Variants in FAM107B observed in about 807,000 individuals in gnomAD.
The protein encoded by FAM107B is protein FAM107B.
FAM107B carries 21 observed loss-of-function variants against 31.5 expected under a neutral mutation model. The observed-to-expected ratio is 0.67, with a 90% CI of 0.47 to 0.96. The LOEUF is 0.96. Ranked by LOEUF, FAM107B falls within the 40% of genes least tolerant of loss-of-function variation. The pLI is 0.00. For synonymous variants in FAM107B, 157 were observed against 141.5 expected (o/e 1.11, Z -0.78); for missense variants, 452 against 377.1 (o/e 1.20, Z -1.64).
At chr10:14,741,717 T>C (rs1233990043) in intron 1 of FAM107B, among the ~76,000 whole-genome samples, 4 of 127,904 alleles carry the variant, frequency 3.1e-5, no homozygotes, top group Non-Finnish European at 6.7e-5. Context: ...ATAACTCCCT[T>C]TTTTTTTTTT....
intron 2 of FAM107B, among the ~76,000 whole-genome samples, chr10:14,632,817 G>T (rs567142378): frequency 6.6e-6 from 1 of 152,044 alleles, no homozygotes; most frequent in Non-Finnish European, 1.5e-5. Context: ...ACAGAGACAG[G>T]GGGTACAGGG....
At chr10:14,678,937 A>G (rs1177205842) in intron 1 of FAM107B, among the ~76,000 whole-genome samples, 4 of 152,212 alleles carry the variant, frequency 2.6e-5, no homozygotes, top group African/African-American at 7.2e-5. Flanking sequence ...AACATGGCAG[A>G]TACAACTATT....
intron 1 of FAM107B, among the ~76,000 whole-genome samples, chr10:14,745,392 TAGGATGTC>T (rs1417953805): frequency 1.3e-5 from 2 of 152,196 alleles, no homozygotes; most frequent in Admixed American, 1.3e-4. Context: ...GCTGTGATGT[TAGGATGTC>T]AGTTTGAGAT....
chr10:14,761,034 A>C lies in FAM107B; in HGVS notation c.411+13219T>G, dbSNP rs11259318. Among the ~76,000 whole-genome samples the C allele has an allele frequency of 2.3e-3, 334 of 146,710 alleles. 2 individuals are homozygous for C. The highest frequency in any genetic ancestry group is 6.5e-3 in the African/African-American group (266 of 40,660). On this transcript the variant is annotated intron_variant, in intron 1 of 4. Transcript: ENST00000181796. ...TTCAAAAAAAAAAAAAAAAAAAAAA[A>C]AAGAAAGACATATCGTTAAGCTAGA...
intron 2 of FAM107B, among the ~76,000 whole-genome samples, chr10:14,634,682 G>A (rs1481515978): frequency 6.6e-6 from 1 of 152,186 alleles, no homozygotes; most frequent in Non-Finnish European, 1.5e-5. Flanking sequence ...ACATTTGGGA[G>A]GAGGATGGCG....
intron 1 of FAM107B, among the ~76,000 whole-genome samples, chr10:14,668,030 T>G (rs371539740): frequency 1.2e-4 from 18 of 148,868 alleles, no homozygotes; most frequent in African/African-American, 4.6e-4. Flanking sequence ...GGTGACGGGG[T>G]TTTTTTTGTT....
At chr10:14,681,552 C>G (rs1005890384) in intron 1 of FAM107B, among the ~76,000 whole-genome samples, 1 of 152,100 alleles carries the variant, frequency 6.6e-6, no homozygotes, top group African/African-American at 2.4e-5. Flanking sequence ...CATCTTGGGT[C>G]GCATACTTGC....
chr10:14,571,836 A>G lies in FAM107B; in HGVS notation c.470-41321T>C, dbSNP rs560224600. 5.2e-5 allele frequency: 51 copies of G among 985,502 alleles called. No individual in the cohort carries two copies. The South Asian group carries it at 2.2e-3, about 42-fold the overall frequency. The allele number at this position is 985,502 out of a possible 1,614,324, so 61.0% of individuals were successfully genotyped here. On this transcript the variant is annotated intron_variant, in intron 2 of 4. Transcript: ENST00000181796. ...TGGTGAAAAATCATCCTTTAGCAAGAGAAGAGTTAGCCCAGGAAGTCATCC... is the reference window on the plus strand; with the variant it reads ...TGGTGAAAAATCATCCTTTAGCAAGGGAAGAGTTAGCCCAGGAAGTCATCC...
In FAM107B at chr10:14,604,199, C is replaced by T. The variant is rs1015715089; in HGVS notation, c.469+63435G>A. 9.0e-5 allele frequency: 88 copies of T among 979,660 alleles called. No individual in the cohort carries two copies. The African/African-American group carries it at 1.5e-3, about 17-fold the overall frequency. 60.7% of individuals were successfully genotyped at this position (979,660 alleles called of 1,614,324 possible). ...GGCCGCCGCCCGCCTCCCCGCGCCC[C>T]TCGTCTTTGTGTGGAAAGTAAGTGC... On this transcript the variant is annotated intron_variant, in intron 2 of 4. Coordinates refer to ENST00000181796, the MANE Select transcript of FAM107B (RefSeq NM_031453.4).
At chr10:14,723,447 C>A in intron 1 of FAM107B, 1 of 559,202 alleles carries the variant, frequency 1.8e-6, no homozygotes, top group Non-Finnish European at 3.5e-6. Flanking sequence ...GATGTCTGTA[C>A]AAGTAGAGAT....
At chr10:14,680,371 C>T (rs778013573) in intron 1 of FAM107B, among the ~76,000 whole-genome samples, 1 of 151,880 alleles carries the variant, frequency 6.6e-6, no homozygotes, top group Non-Finnish European at 1.5e-5. Flanking sequence ...GTCAGGAGTT[C>T]GAGACCAGCC....
chr10:14,665,716 G>C (rs941006364), intron 2 of FAM107B, among the ~76,000 whole-genome samples: 1 of 152,158 alleles, frequency 6.6e-6, no homozygotes, highest in African/African-American at 2.4e-5. Context: ...ATGAAAGTAG[G>C]CTTTCAAACT....
chr10:14,697,508 G>A (rs541699425), intron 1 of FAM107B, among the ~76,000 whole-genome samples: 2 of 152,350 alleles, frequency 1.3e-5, no homozygotes, highest in Admixed American at 6.5e-5. Context: ...GTAAACTACT[G>A]TGTTCCAGAA....
chr10:14,691,032 T>A (rs949998414), intron 1 of FAM107B, among the ~76,000 whole-genome samples: 1 of 152,078 alleles, frequency 6.6e-6, no homozygotes, highest in Non-Finnish European at 1.5e-5. Context: ...ACATTCCTTG[T>A]TATGATCAGG....
At chr10:14,672,104 A>AT (rs11377065) in intron 1 of FAM107B, among the ~76,000 whole-genome samples, 106,760 of 142,054 alleles carry the variant, frequency 0.75, 38,905 homozygotes, top group East Asian at 0.86. Flanking sequence ...TTATTTATTT[A>AT]TTTTTTTTTT....
intron 1 of FAM107B, among the ~76,000 whole-genome samples, chr10:14,752,835 G>A (rs1169133248): frequency 1.3e-5 from 2 of 151,988 alleles, no homozygotes; most frequent in African/African-American, 4.8e-5. Flanking sequence ...TGGAGGCTGA[G>A]GCCAGAGGAC....
At chr10:14,773,500 C>A (rs1195297673) in intron 1 of FAM107B, among the ~76,000 whole-genome samples, 1 of 152,122 alleles carries the variant, frequency 6.6e-6, no homozygotes, top group Non-Finnish European at 1.5e-5. Flanking sequence ...TTTAGAAAAC[C>A]TTTCCTCTAC....
intron 1 of FAM107B, among the ~76,000 whole-genome samples, chr10:14,724,514 G>A (rs7915145): frequency 0.033 from 5,036 of 152,238 alleles, 264 homozygotes; most frequent in African/African-American, 0.11. Flanking sequence ...AGGAAATTTT[G>A]CAGATAACCC....
intron 2 of FAM107B, among the ~76,000 whole-genome samples, chr10:14,574,948 G>A (rs534571910): frequency 3.3e-5 from 5 of 152,116 alleles, no homozygotes; most frequent in South Asian, 4.2e-4. Context: ...GTGCCCCATC[G>A]GAGAACACAC....
Sources: allele counts gnomAD v4.1 joint callset (sites outside exome capture counted in the v4.1 genomes callset), GRCh38; gene constraint gnomAD v4.1.1; transcripts MANE v1.5; gene names NCBI Gene and HGNC (gene_info 2026-07-23, HGNC 2026-07-21).